NTM: variants seen among roughly 807,000 people sequenced by gnomAD.
NTM encodes neurotrimin, also known as IgLON family member 2.
A neutral mutation model predicts 42.1 loss-of-function variants in NTM; 13 were observed. The ratio of observed to expected loss-of-function variants is 0.31; its 90% CI spans 0.20 to 0.49. The LOEUF is 0.49. Among genes scored for constraint, NTM ranks in the 20% least tolerant of loss-of-function variants. The pLI, the probability that NTM is intolerant of heterozygous loss-of-function variation, is 0.99. For missense variants in NTM, 373 were observed against 452.8 expected (o/e 0.82, Z 1.60); for synonymous variants, 187 against 179.2 (o/e 1.04, Z -0.35).
Position 131,927,780 on chromosome 11 carries a change from G to C in NTM, c.167+16132G>C, listed in dbSNP as rs974976269. On this transcript the variant is annotated intron_variant, in intron 2 of 8. Coordinates refer to ENST00000683400, the MANE Select transcript of NTM (RefSeq NM_001352005.2). ...AGACATAAAATCACAGAGCCCTGTG[G>C]TAGCATCAGAGATGGGGTCACACAT... is the stretch of plus-strand genomic sequence containing the variant. Among the ~76,000 whole-genome samples, 3 of 152,174 alleles carry C rather than the reference G, an allele frequency of 2.0e-5. No individual in the cohort carries two copies. In the East Asian group the frequency reaches 5.8e-4, roughly 29 times the overall value.
intron 3 of NTM, among the ~76,000 whole-genome samples, chr11:132,177,051 A>G (rs890045655): frequency 6.6e-6 from 1 of 152,040 alleles, no homozygotes. Flanking sequence ...TAAAGTTTTT[A>G]TTGTTACTTT....
intron 1 of NTM, among the ~76,000 whole-genome samples, chr11:131,793,709 C>T (rs2091228908): frequency 6.6e-6 from 1 of 152,114 alleles, no homozygotes; most frequent in Admixed American, 6.5e-5. Context: ...CACCTCCCAC[C>T]CTATTATTTT....
intron 1 of NTM, among the ~76,000 whole-genome samples, chr11:131,805,106 T>TATTTGTA (rs2092405232): frequency 6.6e-6 from 1 of 152,198 alleles, no homozygotes; most frequent in Non-Finnish European, 1.5e-5. Context: ...GATGAAACAT[T>TATTTGTA]CACGTTATAA....
chr11:131,559,794 GGGA>G (rs1318744152), intron 1 of NTM, among the ~76,000 whole-genome samples: 1 of 152,176 alleles, frequency 6.6e-6, no homozygotes, highest in African/African-American at 2.4e-5. Flanking sequence ...CCAAACAACA[GGGA>G]GGAGTAAGGG....
intron 1 of NTM, among the ~76,000 whole-genome samples, chr11:131,544,013 A>G (rs974947087): frequency 6.6e-6 from 1 of 152,186 alleles, no homozygotes. Flanking sequence ...TCTTGCAGAG[A>G]TGTCTTGCCT....
chr11:131,604,730 G>C (rs1459041255), intron 1 of NTM, among the ~76,000 whole-genome samples: 1 of 148,388 alleles, frequency 6.7e-6, no homozygotes, highest in African/African-American at 2.5e-5. Context: ...TTTGGGGGGA[G>C]GGGGTGGGGG....
chr11:131,994,425 C>T (rs1297601962), intron 2 of NTM, among the ~76,000 whole-genome samples: 1 of 152,142 alleles, frequency 6.6e-6, no homozygotes, highest in Non-Finnish European at 1.5e-5. Flanking sequence ...GGGGAGCCCT[C>T]AGGAGGGATA....
intron 1 of NTM, among the ~76,000 whole-genome samples, chr11:131,559,513 C>A (rs968970550): frequency 6.6e-6 from 1 of 152,136 alleles, no homozygotes; most frequent in Admixed American, 6.6e-5. Flanking sequence ...AGATAAAATT[C>A]CTGACCCTTA....
In NTM at chr11:131,896,679, CTTTTT is replaced by C. The variant is rs71067345; in HGVS notation, c.83-14866_83-14862del. ...CATGCCAAATGGAGTACATTTTAGG[CTTTTT>C]TTTTTTTTTTTTTTTTTTCTCTGAG... On this transcript the variant is annotated intron_variant, in intron 1 of 8. Coordinates refer to ENST00000683400, the MANE Select transcript of NTM (RefSeq NM_001352005.2). 2.5e-3 allele frequency among the ~76,000 whole-genome samples: 250 copies of C among 100,602 alleles called. 2 individuals carry two copies. Among genetic ancestry groups the C allele is most frequent in the African/African-American group, 8.7e-3 (214 of 24,702 alleles). The allele number at this position is 100,602 out of a possible 152,430, so 66.0% of individuals were successfully genotyped here. A position where few individuals can be genotyped will look rare whatever the true frequency, so the allele number is the denominator to read the frequency against.
chr11:131,769,636 G>A, intron 1 of NTM: 2 of 961,296 alleles, frequency 2.1e-6, no homozygotes, highest in Non-Finnish European at 1.2e-6. Context: ...CTGTGGAGCA[G>A]ATAGCATGAG....
intron 1 of NTM, among the ~76,000 whole-genome samples, chr11:131,865,011 C>T (rs2046997180): frequency 1.3e-5 from 2 of 152,224 alleles, no homozygotes; most frequent in African/African-American, 4.8e-5. Flanking sequence ...CCTCCAGCAC[C>T]ATTCTGTGTG....
chr11:132,061,729 A>G lies in NTM; in HGVS notation c.168-84553A>G, dbSNP rs139461457. ...TCCTTGCCAAGTGGAGATGAATGTC[A>G]CAGGAGACCTCAGGCAGTTATACAG... is the stretch of plus-strand genomic sequence containing the variant. On this transcript the variant is annotated intron_variant, in intron 2 of 8. Coordinates refer to ENST00000683400, the MANE Select transcript of NTM (RefSeq NM_001352005.2). 1.1e-3 allele frequency among the ~76,000 whole-genome samples: 160 copies of G among 152,276 alleles called. 1 individual carries two copies. Among genetic ancestry groups the G allele is most frequent in the African/African-American group, 3.7e-3 (153 of 41,570 alleles).
chr11:131,989,947 G>A (rs770498912), intron 2 of NTM, among the ~76,000 whole-genome samples: 1 of 152,032 alleles, frequency 6.6e-6, no homozygotes, highest in African/African-American at 2.4e-5. Context: ...GATGTCAGTG[G>A]GGATAGTAAT....
At chr11:131,983,528 A>G (rs1211161043) in intron 2 of NTM, among the ~76,000 whole-genome samples, 1 of 151,972 alleles carries the variant, frequency 6.6e-6, no homozygotes, top group East Asian at 1.9e-4. Context: ...GGCATCTGCT[A>G]CCACACCCAG....
intron 1 of NTM, among the ~76,000 whole-genome samples, chr11:131,452,096 A>G (rs1481655576): frequency 6.6e-6 from 1 of 152,198 alleles, no homozygotes; most frequent in East Asian, 1.9e-4. Flanking sequence ...CACCTGGGGC[A>G]CAGCTTCCTC....
chr11:132,016,035 A>G (rs1477189244), intron 2 of NTM, among the ~76,000 whole-genome samples: 2 of 151,414 alleles, frequency 1.3e-5, no homozygotes, highest in Non-Finnish European at 2.9e-5. Flanking sequence ...CTCATTCAGT[A>G]TGATGTTAGA....
chr11:131,370,779 A>G lies in NTM; in HGVS notation c.-28A>G. The G allele has an allele frequency of 6.3e-7, 1 of 1,594,704 alleles. No homozygotes were observed. The highest frequency in any genetic ancestry group is 8.6e-7 in the Non-Finnish European group (1 of 1,166,464). On this transcript the variant is annotated 5_prime_UTR_variant, in exon 1 of 9. Transcript: ENST00000683400. Reference sequence around the variant, plus strand: ...AAGAAAAAAACCGAACCTGACAAAAAAGAAGAAAAAGAAGAAGAAAAAAAA... The same window carrying G: ...AAGAAAAAAACCGAACCTGACAAAAGAGAAGAAAAAGAAGAAGAAAAAAAA...
At chr11:131,424,297 C>T (rs1447485436) in intron 1 of NTM, among the ~76,000 whole-genome samples, 1 of 152,156 alleles carries the variant, frequency 6.6e-6, no homozygotes, top group East Asian at 1.9e-4. Flanking sequence ...TATTTGCATA[C>T]AGGCTGCCAG....
intron 1 of NTM, among the ~76,000 whole-genome samples, chr11:131,808,966 C>T (rs1320442570): frequency 6.6e-6 from 1 of 152,214 alleles, no homozygotes; most frequent in East Asian, 1.9e-4. Flanking sequence ...TACATCACAC[C>T]TACCTAGCAA....
Sources: allele counts gnomAD v4.1 joint callset (sites outside exome capture counted in the v4.1 genomes callset), GRCh38; gene constraint gnomAD v4.1.1; transcripts MANE v1.5; gene names NCBI Gene and HGNC (gene_info 2026-07-23, HGNC 2026-07-21).